Variants in TENT4A observed in about 807,000 individuals in gnomAD.
The protein encoded by TENT4A is DNA polymerase kappa.
A neutral mutation model predicts 72.8 loss-of-function variants in TENT4A; 7 were observed. The ratio of observed to expected loss-of-function variants is 0.10; its 90% CI spans 0.05 to 0.18. TENT4A has a LOEUF of 0.18. Ranked by LOEUF, TENT4A falls within the 10% of genes least tolerant of loss-of-function variation. The pLI is 1.00. For synonymous variants in TENT4A, 456 were observed against 434.3 expected (o/e 1.05, Z -0.62); for missense variants, 831 against 1,017.7 (o/e 0.82, Z 2.50).
chr5:6,743,413 C>G (rs1030112099), intron 5 of TENT4A, among the ~76,000 whole-genome samples: 1 of 152,196 alleles, frequency 6.6e-6, no homozygotes, highest in African/African-American at 2.4e-5. Context: ...CATAAACACT[C>G]CAGTGAACGC....
Position 6,752,976 on chromosome 5 carries a change from C to T in TENT4A, c.2123C>T (p.Ser708Phe), listed in dbSNP as rs919017289. 6.2e-7 allele frequency: 1 copy of T among 1,614,096 alleles called. No homozygotes were observed. The highest frequency in any genetic ancestry group is 1.3e-5 in the African/African-American group (1 of 74,912). The change falls in exon 12 of 13, where the codon TCT becomes TTT. Residue 708 changes from serine (S) to phenylalanine (F), a missense_variant. Ser to Phe is a radical substitution (Grantham distance 155, BLOSUM62 -2). Coordinates refer to ENST00000230859, the MANE Select transcript of TENT4A (RefSeq NM_006999.6). ...TCTTTGAAAGCCGTCCACCACATGT[C>T]TTCCCCGGCCATTCCCTCAGCGTCC... ...TASLKAVHHM[S>F]SPAIPSASPN...
chr5:6,720,248 A>G (rs1195975589), intron 1 of TENT4A, among the ~76,000 whole-genome samples: 2 of 152,202 alleles, frequency 1.3e-5, no homozygotes, highest in African/African-American at 4.8e-5. Flanking sequence ...CAACATGATC[A>G]TGGTGTGATA....
At chr5:6,738,762 G>C (rs746516077) in intron 3 of TENT4A, 33 bp downstream of exon 3, 5 of 1,537,332 alleles carry the variant, frequency 3.3e-6, no homozygotes, top group Middle Eastern at 1.7e-4. Context: ...TGGGCTAGTG[G>C]GGGGCTGGGA....
chr5:6,740,584 G>T (rs1166671164), intron 4 of TENT4A, among the ~76,000 whole-genome samples: 1 of 130,720 alleles, frequency 7.6e-6, no homozygotes, highest in East Asian at 2.4e-4. Context: ...AGGGGAGGGG[G>T]CATTCACATG....
chr5:6,738,629 G>T, intron 2 of TENT4A, 54 bp from the exon 3 acceptor site: 2 of 1,282,626 alleles, frequency 1.6e-6, no homozygotes, highest in Admixed American at 1.7e-5. Flanking sequence ...AATAATGGTA[G>T]TGTGACTGCT....
chr5:6,720,758 C>T (rs946969902), intron 1 of TENT4A, among the ~76,000 whole-genome samples: 1 of 151,820 alleles, frequency 6.6e-6, no homozygotes, highest in Non-Finnish European at 1.5e-5. Flanking sequence ...TATGAAAATA[C>T]AGTGATTGAA....
chr5:6,750,745 G>C, intron 10 of TENT4A: 1 of 548,274 alleles, frequency 1.8e-6, no homozygotes, highest in Non-Finnish European at 3.2e-6. Flanking sequence ...TCCTCTAAAT[G>C]GTTGAACTAC....
chr5:6,751,138 C>T lies in TENT4A; in HGVS notation c.1960C>T (p.Pro654Ser). ...CGGCTTACCCACCGCCTTGCCAATGCCCAGTGGCAAACCTCAGCCCACCAC... is the reference window on the plus strand; with the variant it reads ...CGGCTTACCCACCGCCTTGCCAATGTCCAGTGGCAAACCTCAGCCCACCAC... Reference protein sequence around the residue: ...MAGLPTALPMPSGKPQPTTSR... With the variant: ...MAGLPTALPMSSGKPQPTTSR... Residue 654 changes from proline (P) to serine (S), a missense_variant, in exon 11 of 13, where the codon CCC (proline) becomes TCC (serine). By Grantham distance (74) the Pro-to-Ser change is moderately conservative. Coordinates refer to ENST00000230859, the MANE Select transcript of TENT4A (RefSeq NM_006999.6). The T allele has an allele frequency of 6.2e-7, 1 of 1,614,202 alleles. No individual in the cohort carries two copies. The highest frequency in any genetic ancestry group is 1.1e-5 in the South Asian group (1 of 91,090).
chr5:6,727,451 C>A (rs997380525), intron 1 of TENT4A, among the ~76,000 whole-genome samples: 3 of 152,230 alleles, frequency 2.0e-5, no homozygotes, highest in Non-Finnish European at 4.4e-5. Flanking sequence ...GCTTCGGACT[C>A]TCTGCTCTGT....
intron 11 of TENT4A, among the ~76,000 whole-genome samples, chr5:6,752,614 C>T (rs1387536226): frequency 3.3e-5 from 5 of 152,242 alleles, no homozygotes; most frequent in African/African-American, 7.2e-5. Flanking sequence ...ATGTCTTGAT[C>T]GTTTGATCTT....
At position 6,714,687 on chromosome 5, in the gene TENT4A, C is replaced by G; in HGVS notation, c.704C>G (p.Pro235Arg). 6 of 1,194,114 alleles carry G rather than the reference C, an allele frequency of 5.0e-6. No individual in the cohort carries two copies. In the South Asian group the frequency reaches 1.3e-4, roughly 25 times the overall value. The allele number at this position is 1,194,114 out of a possible 1,614,324, so 74.0% of individuals were successfully genotyped here. A position where few individuals can be genotyped will look rare whatever the true frequency, so the allele number is the denominator to read the frequency against. The change falls in exon 1 of 13, where the codon CCG (proline) becomes CGG (arginine). Residue 235 changes from proline (P) to arginine (R), a missense_variant. Pro to Arg is a moderately radical substitution (Grantham distance 103). Around this residue, in one of 3 missense-constraint regions of TENT4A, gnomAD observed 302 missense variants for 293.8 expected, o/e 1.03. Transcript: ENST00000230859. ...CCGTGGAAGAGCCGCGCGTACAGCCCGGGCATCCAGGGGTGAGTGCGCGGG... is the reference window on the plus strand; with the variant it reads ...CCGTGGAAGAGCCGCGCGTACAGCCGGGGCATCCAGGGGTGAGTGCGCGGG... ...GTPWKSRAYS[P>R]GIQGLHEEII...
At chr5:6,744,700 A>C (rs1045599117) in intron 6 of TENT4A, among the ~76,000 whole-genome samples, 1 of 152,308 alleles carries the variant, frequency 6.6e-6, no homozygotes, top group Non-Finnish European at 1.5e-5. Context: ...GTGAAAATGG[A>C]ATTCCATGTC....
intron 2 of TENT4A, 34 bp from the exon 3 acceptor site, chr5:6,738,649 G>A: frequency 1.3e-6 from 2 of 1,542,540 alleles, no homozygotes; most frequent in Non-Finnish European, 1.8e-6. Flanking sequence ...TTGGTTTGTG[G>A]TATACATTTT....
intron 7 of TENT4A, among the ~76,000 whole-genome samples, chr5:6,746,896 C>T (rs981554781): frequency 4.6e-5 from 7 of 152,170 alleles, no homozygotes; most frequent in African/African-American, 1.4e-4. Context: ...ACCCTTGACC[C>T]TTTCCTATGT....
Position 6,713,557 on chromosome 5 carries a change from G to A in TENT4A, c.-427G>A, listed in dbSNP as rs1174202071. On this transcript the variant is annotated 5_prime_UTR_variant, in exon 1 of 13. Transcript: ENST00000230859. Reference sequence around the variant, plus strand: ...CCGCACGGGCGGCGGCGCCTCCCGCGGGTCCTTCAGCCGCTCGGCGCCTGG... The same window carrying A: ...CCGCACGGGCGGCGGCGCCTCCCGCAGGTCCTTCAGCCGCTCGGCGCCTGG... 6.8e-6 allele frequency: 1 copy of A among 147,688 alleles called. No homozygotes were observed. The highest frequency in any genetic ancestry group is 6.7e-5 in the Admixed American group (1 of 14,856). 9.1% of individuals were successfully genotyped at this position (147,688 alleles called of 1,614,324 possible). A position where few individuals can be genotyped will look rare whatever the true frequency, so the allele number is the denominator to read the frequency against.
In TENT4A at chr5:6,719,759, C is replaced by T. The variant is rs144353670; in HGVS notation, c.716+5060C>T. On this transcript the variant is annotated intron_variant, in intron 1 of 12. Transcript: ENST00000230859. ...CCCAACACTGGGGATGCACACTCGTCAGCATCCTATTTTTGAGATTTCTAT... is the reference window on the plus strand; with the variant it reads ...CCCAACACTGGGGATGCACACTCGTTAGCATCCTATTTTTGAGATTTCTAT... Among the ~76,000 whole-genome samples, 34 of 152,334 alleles carry T rather than the reference C, an allele frequency of 2.2e-4. No individual in the cohort carries two copies. The East Asian group carries it at 4.0e-3, about 18-fold the overall frequency.
At chr5:6,743,461 C>T (rs28381381) in intron 5 of TENT4A, among the ~76,000 whole-genome samples, 3,475 of 152,190 alleles carry the variant, frequency 0.023, 41 homozygotes, top group Non-Finnish European at 0.03. Context: ...CCTGTGGACT[C>T]GTCATGGTAG....
Position 6,714,292 on chromosome 5 carries a change from C to T in TENT4A, c.309C>T (p.His103=), listed in dbSNP as rs1740246248. ...CGGCCGAGGGCGCGCGGCGCTTGCA[C>T]AAGTCGCCGTCGCTGTCGTCCTCGT... ...GPAAEGARRL[H]KSPSLSSSSS... Residue 103 remains histidine, a synonymous_variant, in exon 1 of 13, where the codon CAC becomes CAT. Transcript: ENST00000230859. 4.6e-6 allele frequency: 5 copies of T among 1,091,212 alleles called. No individual in the cohort carries two copies. Among genetic ancestry groups the T allele is most frequent in the East Asian group, 5.7e-5 (1 of 17,452 alleles). The allele number at this position is 1,091,212 out of a possible 1,614,324, so 67.6% of individuals were successfully genotyped here. A position where few individuals can be genotyped will look rare whatever the true frequency, so the allele number is the denominator to read the frequency against.
intron 8 of TENT4A, 101 bp downstream of exon 8, chr5:6,748,691 T>A (rs1334950872): frequency 4.0e-6 from 5 of 1,265,536 alleles, no homozygotes; most frequent in African/African-American, 1.5e-5. Context: ...GAAGGGATGT[T>A]CTGCCGTATT....
Sources: allele counts gnomAD v4.1 joint callset (sites outside exome capture counted in the v4.1 genomes callset), GRCh38; gene constraint gnomAD v4.1.1; regional missense constraint gnomAD v4.1.1; transcripts MANE v1.5; gene names NCBI Gene and HGNC (gene_info 2026-07-23, HGNC 2026-07-21).